VPS39: variants seen among roughly 807,000 people sequenced by gnomAD.
VPS39 encodes the protein vam6/Vps39-like protein.
VPS39 carries 70 observed loss-of-function variants against 121.0 expected under a neutral mutation model. That is an observed-to-expected ratio of 0.58 (90% CI 0.48 to 0.71). The LOEUF (loss-of-function observed/expected upper bound fraction) is 0.71. VPS39 is among the 30% of genes least tolerant of loss of function. The probability of loss-of-function intolerance (pLI) is 0.00; values close to 1 mark genes in which losing one functional copy is unlikely to be tolerated. For missense variants in VPS39, 818 were observed against 1,051.5 expected, an observed-to-expected ratio of 0.78 and a Z score of 3.07; for synonymous variants, 378 against 398.1, an observed-to-expected ratio of 0.95 and a Z score of 0.60.
chr15:42,167,043 A>G (rs1263611360), intron 13 of VPS39, 130 bp from the exon 14 acceptor site: 1 of 1,323,436 alleles, frequency 7.6e-7, no homozygotes, highest in Admixed American at 2.2e-5. Context: ...GCCCTCTTTC[A>G]GGACAGCAGG....
At chr15:42,200,990 G>C (rs2050056142) in intron 1 of VPS39, among the ~76,000 whole-genome samples, 1 of 152,158 alleles carries the variant, frequency 6.6e-6, no homozygotes, top group Non-Finnish European at 1.5e-5. Context: ...GTCCAGAGTA[G>C]GCAAATCCAC....
At chr15:42,166,426 T>C in intron 15 of VPS39, 137 bp downstream of exon 15, 1 of 1,192,152 alleles carries the variant, frequency 8.4e-7, no homozygotes, top group Non-Finnish European at 1.2e-6. Flanking sequence ...GAGGGACTTT[T>C]ATGCCATTTG....
intron 7 of VPS39, among the ~76,000 whole-genome samples, chr15:42,186,610 AAAC>A (rs1351682778): frequency 6.6e-6 from 1 of 152,244 alleles, no homozygotes; most frequent in Non-Finnish European, 1.5e-5. Context: ...TATTGGAGAA[AAAC>A]AACGTCATGG....
intron 12 of VPS39, 112 bp from the exon 13 acceptor site, chr15:42,167,649 C>T (rs2049271439): frequency 7.2e-7 from 1 of 1,380,282 alleles, no homozygotes; most frequent in African/African-American, 1.4e-5. Flanking sequence ...GGCCTGATCT[C>T]ACATTAGCAT....
At chr15:42,173,607 A>AG in intron 11 of VPS39, 116 bp downstream of exon 11, 1 of 1,370,328 alleles carries the variant, frequency 7.3e-7, no homozygotes. Context: ...TATGAGGATC[A>AG]ATTTAGCTGA....
At chr15:42,199,513 T>G (rs2050019568) in intron 2 of VPS39, 1 of 440,150 alleles carries the variant, frequency 2.3e-6, no homozygotes, top group Non-Finnish European at 4.6e-6. Flanking sequence ...TTTAAATCGA[T>G]GTTGCCTAAT....
chr15:42,192,257 T>C (rs1020701399), intron 2 of VPS39, among the ~76,000 whole-genome samples: 1 of 152,154 alleles, frequency 6.6e-6, no homozygotes, highest in African/African-American at 2.4e-5. Context: ...AAGCAATAAC[T>C]ACATACTGGG....
chr15:42,182,543 C>T (rs1309583245), intron 8 of VPS39, among the ~76,000 whole-genome samples: 1 of 152,210 alleles, frequency 6.6e-6, no homozygotes, highest in African/African-American at 2.4e-5. Flanking sequence ...TTCTTACACG[C>T]TCTGATGTTT....
Position 42,199,891 on chromosome 15 carries a change from C to T in VPS39, c.139+5G>A, listed in dbSNP as rs964695466. 1 of 1,587,758 alleles carries T rather than the reference C, an allele frequency of 6.3e-7. No individual in the cohort carries two copies. The highest frequency in any genetic ancestry group is 8.5e-7 in the Non-Finnish European group (1 of 1,171,986). ...TATTTTTTTGCATGAGCAATGTGCA[C>T]TTACCAACGTCCTTCCGAATCCTAT... On this transcript the variant is annotated splice_donor_5th_base_variant and intron_variant, in intron 2 of 24. Coordinates refer to ENST00000318006, the MANE Select transcript of VPS39 (RefSeq NM_015289.5).
intron 1 of VPS39, among the ~76,000 whole-genome samples, chr15:42,201,506 A>G (rs940556759): frequency 6.6e-6 from 1 of 152,202 alleles, no homozygotes; most frequent in African/African-American, 2.4e-5. Context: ...GGTCTAGGCT[A>G]GTGGTTCTTA....
In VPS39 at chr15:42,208,285, A is replaced by C. The variant is rs901923413; in HGVS notation, c.-132T>G. 34 of 1,181,574 alleles carry C rather than the reference A, an allele frequency of 2.9e-5. No homozygotes were observed. Among genetic ancestry groups the C allele is most frequent in the Non-Finnish European group, 3.5e-5 (30 of 852,580 alleles). 73.2% of individuals were successfully genotyped at this position (1,181,574 alleles called of 1,614,324 possible). On this transcript the variant is annotated 5_prime_UTR_variant, in exon 1 of 25. Transcript: ENST00000318006. ...CCCCCCGGCTACAGGCCCTTCAACA[A>C]CACAGCCATCGTCAACCCCGGACTT...
At chr15:42,169,921 A>G in intron 11 of VPS39, 55 bp from the exon 12 acceptor site, 9 of 1,560,628 alleles carry the variant, frequency 5.8e-6, no homozygotes, top group Middle Eastern at 2.0e-4. Context: ...ATTTAGGGAT[A>G]AAATAAAACA....
chr15:42,178,839 A>C (rs1381615436), intron 8 of VPS39: 2 of 369,546 alleles, frequency 5.4e-6, no homozygotes, highest in Admixed American at 7.8e-5. Context: ...CTGCCTCAAC[A>C]AAAACATTTA....
chr15:42,164,700 ACT>A, intron 18 of VPS39: 1 of 1,427,972 alleles, frequency 7.0e-7, no homozygotes. Flanking sequence ...ATAGAGAAAT[ACT>A]CTGTGGGCAA....
At chr15:42,191,600 G>C (rs780497966) in intron 2 of VPS39, 40 bp from the exon 3 acceptor site, 1 of 1,572,830 alleles carries the variant, frequency 6.4e-7, no homozygotes, top group Non-Finnish European at 8.7e-7. Context: ...CCAAATACAG[G>C]GATACATAGA....
chr15:42,161,631 C>T, intron 24 of VPS39, 51 bp downstream of exon 24: 1 of 1,583,172 alleles, frequency 6.3e-7, no homozygotes, highest in Non-Finnish European at 8.7e-7. Flanking sequence ...TTCTCCACCC[C>T]TGGGAACCTC....
At chr15:42,204,720 T>G (rs779361834) in intron 1 of VPS39, among the ~76,000 whole-genome samples, 1 of 152,126 alleles carries the variant, frequency 6.6e-6, no homozygotes, top group Admixed American at 6.5e-5. Flanking sequence ...TATGAAACAT[T>G]CATGTAGTTC....
At chr15:42,191,340 G>T in intron 3 of VPS39, 156 bp downstream of exon 3, 1 of 1,057,298 alleles carries the variant, frequency 9.5e-7, no homozygotes, top group Non-Finnish European at 1.4e-6. Context: ...TGTGAGAGAG[G>T]ATCTCAGGCA....
rs749574108 is a variant in VPS39, at chr15:42,160,738, C to G, written c.*16G>C. The G allele has an allele frequency of 6.2e-7, 1 of 1,612,128 alleles. No individual in the cohort carries two copies. The highest frequency in any genetic ancestry group is 8.5e-7 in the Non-Finnish European group (1 of 1,178,166). The stretch of plus-strand genomic sequence containing the variant: ...GAGCCAAGCTGTCCATCCGCTGGAT[C>G]CCCAGGATGCTGGGCTCAAGTGTCA... On this transcript the variant is annotated 3_prime_UTR_variant, in exon 25 of 25. Transcript: ENST00000318006.
Sources: gnomAD v4.1 joint callset for allele counts (sites outside exome capture counted in the v4.1 genomes callset) on GRCh38, gnomAD v4.1.1 for gene constraint, MANE v1.5 for transcripts, NCBI Gene and HGNC (gene_info 2026-07-23, HGNC 2026-07-21) for gene names.